Variants in NID1 observed in about 807,000 individuals in gnomAD.
NID1 encodes nidogen 1, also known as nidogen-1.
Under a neutral mutation model 130.6 loss-of-function variants are expected in NID1, and 76 were observed. That is an observed-to-expected ratio of 0.58 (90% CI 0.48 to 0.70). The LOEUF (loss-of-function observed/expected upper bound fraction) is 0.70, where lower values mean the gene tolerates loss of function less well. NID1 is among the 30% of genes least tolerant of loss of function. NID1 has a pLI of 0.00. For missense variants in NID1, 1,517 were observed against 1,664.8 expected, an observed-to-expected ratio of 0.91 and a Z score of 1.54; for synonymous variants, 665 against 675.1, an observed-to-expected ratio of 0.98 and a Z score of 0.23.
At position 236,029,668 on chromosome 1, in the gene NID1, G is replaced by C; in HGVS notation, c.1620C>G (p.Ile540Met). The change falls in exon 7 of 20, where the codon ATC becomes ATG. Residue 540 changes from isoleucine to methionine, a missense_variant. By Grantham distance (10) the Ile-to-Met change is conservative. Transcript: ENST00000264187. Reference protein sequence around the residue: ...NLVIKQRFSGIDEHGHLTIDT... With the variant: ...NLVIKQRFSGMDEHGHLTIDT... ...CGATGGTCAGGTGCCCATGCTCATC[G>C]ATGCCGCTGAACCGCTGCTTAATGA... is the stretch of plus-strand genomic sequence containing the variant. 1 of 1,613,944 alleles carries C rather than the reference G, an allele frequency of 6.2e-7. No homozygotes were observed. The highest frequency in any genetic ancestry group is 8.5e-7 in the Non-Finnish European group (1 of 1,180,010).
In NID1 at chr1:236,064,922, A is replaced by G. The variant is rs776781354; in HGVS notation, c.158T>C (p.Val53Ala). 4 of 1,611,900 alleles carry G rather than the reference A, an allele frequency of 2.5e-6. No homozygotes were observed. In the East Asian group the frequency reaches 8.9e-5, roughly 36 times the overall value. ...DLELEDGDDF[V>A]SPALELSGAL... ...CCCACTCAGCTCCAGGGCAGGAGAG[A>G]CGAAGTCATCCCCGTCCTCCAGCTC... The change falls in exon 1 of 20, where the codon GTC becomes GCC. Residue 53 changes from valine (V) to alanine (A), a missense_variant. Physicochemically the swap from Val to Ala is moderately conservative, Grantham distance 64. Coordinates refer to ENST00000264187, the MANE Select transcript of NID1 (RefSeq NM_002508.3).
At chr1:236,005,236 G>T (rs1658214802) in intron 12 of NID1, among the ~76,000 whole-genome samples, 1 of 151,720 alleles carries the variant, frequency 6.6e-6, no homozygotes, top group African/African-American at 2.4e-5. Context: ...ATAGGCGGGG[G>T]GTGGGGAGAG....
In NID1 at chr1:236,024,178, T is replaced by TGTAGCAGGGATTCTGAAGA; in HGVS notation, c.2001_2019dup (p.Ile674SerfsTer13). On this transcript the variant is annotated frameshift_variant, in exon 9 of 20. Transcript: ENST00000264187. LOFTEE classifies it high-confidence loss of function. ...TTGGTGTCACACCCATGAGTGCCGA[T>TGTAGCAGGGATTCTGAAGA]GTAGCAGGGATTCTGAAGAGCATCA... The TGTAGCAGGGATTCTGAAGA allele has an allele frequency of 6.2e-7, 1 of 1,614,274 alleles. No homozygotes were observed. Among genetic ancestry groups the TGTAGCAGGGATTCTGAAGA allele is most frequent in the Non-Finnish European group, 8.5e-7 (1 of 1,180,050 alleles).
intron 9 of NID1, among the ~76,000 whole-genome samples, chr1:236,018,635 C>CA (rs1349173409): frequency 6.6e-6 from 1 of 152,242 alleles, no homozygotes; most frequent in Non-Finnish European, 1.5e-5. Context: ...ACCTCATACT[C>CA]AGAGTGTAGA....
At chr1:236,006,349 C>T (rs1658248405) in intron 12 of NID1, among the ~76,000 whole-genome samples, 1 of 152,138 alleles carries the variant, frequency 6.6e-6, no homozygotes, top group Non-Finnish European at 1.5e-5. Flanking sequence ...AAAAGTGAGA[C>T]AAGCAGACAT....
intron 10 of NID1, among the ~76,000 whole-genome samples, chr1:236,014,535 G>A (rs1235714149): frequency 1.3e-5 from 2 of 152,046 alleles, no homozygotes; most frequent in Non-Finnish European, 2.9e-5. Context: ...CACAAGATGG[G>A]GCATTATCAG....
At chr1:236,058,855 C>T (rs1322088690) in intron 1 of NID1, among the ~76,000 whole-genome samples, 1 of 152,104 alleles carries the variant, frequency 6.6e-6, no homozygotes, top group African/African-American at 2.4e-5. Context: ...AAATACAAAT[C>T]GCTGTACTGA....
chr1:235,986,525 A>T (rs1432705369), intron 14 of NID1, among the ~76,000 whole-genome samples: 1 of 152,224 alleles, frequency 6.6e-6, no homozygotes, highest in East Asian at 1.9e-4. Context: ...GCATGAAACT[A>T]TAAAAGACCC....
chr1:236,028,456 C>T (rs919149090), intron 7 of NID1, among the ~76,000 whole-genome samples: 5 of 151,732 alleles, frequency 3.3e-5, no homozygotes, highest in Non-Finnish European at 4.4e-5. Context: ...TGCAGTGAGC[C>T]GAGACTGCAC....
Position 236,032,666 on chromosome 1 carries a change from C to A in NID1, c.1286-14G>T, listed in dbSNP as rs764522052. 14 of 1,613,290 alleles carry A rather than the reference C, an allele frequency of 8.7e-6. No individual in the cohort carries two copies. Among genetic ancestry groups the A allele is most frequent in the Non-Finnish European group, 1.2e-5 (14 of 1,179,744 alleles). The stretch of plus-strand genomic sequence containing the variant: ...GCTGGGGGGAACCTGAGCAAGAAAA[C>A]AAAGAAAGAATATAGAGATCACTTC... On this transcript the variant is annotated splice_polypyrimidine_tract_variant and intron_variant, in intron 5 of 19. Transcript: ENST00000264187.
chr1:236,027,906 T>C (rs559826145), intron 7 of NID1, among the ~76,000 whole-genome samples: 104 of 152,048 alleles, frequency 6.8e-4, no homozygotes, highest in African/African-American at 2.4e-3. Flanking sequence ...GACCCACATA[T>C]GAGTTCATGT....
intron 15 of NID1, among the ~76,000 whole-genome samples, chr1:235,985,106 T>C (rs1313571889): frequency 6.6e-6 from 1 of 150,634 alleles, no homozygotes; most frequent in Non-Finnish European, 1.5e-5. Context: ...GGCAGGAGAA[T>C]GGCGTGAACC....
At chr1:235,991,716 G>A (rs1657746415) in intron 13 of NID1, among the ~76,000 whole-genome samples, 1 of 152,294 alleles carries the variant, frequency 6.6e-6, no homozygotes, top group Non-Finnish European at 1.5e-5. Flanking sequence ...AATAAGAGCA[G>A]CACCAGCAGC....
chr1:235,979,937 G>A lies in NID1; in HGVS notation c.3394C>T (p.Arg1132Trp), dbSNP rs149472196. 4.6e-5 allele frequency: 75 copies of A among 1,613,874 alleles called. No homozygotes were observed. The highest frequency in any genetic ancestry group is 1.6e-4 in the Middle Eastern group (1 of 6,082). Residue 1132 changes from arginine (R) to tryptophan (W), a missense_variant, in exon 18 of 20, where the codon CGG becomes TGG. This residue lies in a region of NID1 where 181 missense variants were observed against 211.3 expected (regional missense o/e 0.86). Coordinates refer to ENST00000264187, the MANE Select transcript of NID1 (RefSeq NM_002508.3). This position sits in a 1 kb window ranked among gnomAD's most constrained non-coding sequence, Gnocchi z 4.6. ...QLCWVDAGTNRAECLNPSQPS... is the reference protein window; with the variant it reads ...QLCWVDAGTNWAECLNPSQPS... The stretch of plus-strand genomic sequence containing the variant: ...TGACTGGGGTTCAGGCATTCCGCCC[G>A]ATTGGTGCCTGTGTGGAGTGGAAAC...
chr1:236,047,751 G>T (rs1418616531), intron 2 of NID1, among the ~76,000 whole-genome samples: 16 of 152,194 alleles, frequency 1.1e-4, no homozygotes, highest in Non-Finnish European at 2.4e-4. Flanking sequence ...TTCCAGCCGG[G>T]CTCGGTGGCA....
At chr1:236,063,133 AAC>A (rs1274339339) in intron 1 of NID1, among the ~76,000 whole-genome samples, 3 of 141,364 alleles carry the variant, frequency 2.1e-5, no homozygotes, top group African/African-American at 8.2e-5. Context: ...CAGCTTGTGC[AAC>A]AGAGTGAGAC....
In NID1 at chr1:236,051,622, G is replaced by A. The variant is rs938556259; in HGVS notation, c.226-2633C>T. Among the ~76,000 whole-genome samples, 20 of 152,276 alleles carry A rather than the reference G, an allele frequency of 1.3e-4. No individual in the cohort carries two copies. The South Asian group carries it at 1.5e-3, about 11-fold the overall frequency. On this transcript the variant is annotated intron_variant, in intron 1 of 19. Coordinates refer to ENST00000264187, the MANE Select transcript of NID1 (RefSeq NM_002508.3). ...CTGTGGAGAAGGGAGTCAGACACGGGGCTTCTTCCAGCCGGTCCCTCTGTC... is the reference window on the plus strand; with the variant it reads ...CTGTGGAGAAGGGAGTCAGACACGGAGCTTCTTCCAGCCGGTCCCTCTGTC...
Position 236,048,759 on chromosome 1 carries a change from C to T in NID1, c.456G>A (p.Ala152=), listed in dbSNP as rs372996758. The T allele has an allele frequency of 5.6e-5, 90 of 1,613,496 alleles. No individual in the cohort carries two copies. The East Asian group carries it at 1.0e-3, about 18-fold the overall frequency. The change falls in exon 2 of 20, where the codon GCG becomes GCA. Residue 152 remains alanine, a synonymous_variant. Coordinates refer to ENST00000264187, the MANE Select transcript of NID1 (RefSeq NM_002508.3). ...FPEISFQPSS[A]VVVTWESVAP... ...CCACGGATTCCCAAGTGACAACCAC[C>T]GCGCTACTAGGCTGGAAAGAGATCT...
chr1:236,004,426 A>G (rs1658183795), intron 12 of NID1, among the ~76,000 whole-genome samples: 1 of 152,214 alleles, frequency 6.6e-6, no homozygotes, highest in South Asian at 2.1e-4. Context: ...CTGCAGGCCA[A>G]TGTAAAAACA....
Sources: gnomAD v4.1 joint callset for allele counts (sites outside exome capture counted in the v4.1 genomes callset) on GRCh38, gnomAD v4.1.1 for gene constraint, gnomAD v4.1.1 regional missense constraint, Gnocchi (gnomAD v3.1) non-coding constraint, MANE v1.5 for transcripts, NCBI Gene and HGNC (gene_info 2026-07-23, HGNC 2026-07-21) for gene names.